Variants in FAM118A observed in about 807,000 individuals in gnomAD.
FAM118A encodes SIR2 antiphage like 2.
A neutral mutation model predicts 38.2 loss-of-function variants in FAM118A; 25 were observed. That is an observed-to-expected ratio of 0.65 (90% confidence interval 0.48 to 0.91). The LOEUF is 0.91. Ranked by LOEUF, FAM118A falls within the 40% of genes least tolerant of loss-of-function variation. The pLI, the probability that FAM118A is intolerant of heterozygous loss-of-function variation, is 0.00. For synonymous variants in FAM118A, 178 were observed against 184.1 expected (o/e 0.97, Z 0.27); for missense variants, 425 against 463.3 (o/e 0.92, Z 0.76).
At chr22:45,328,943 A>T (rs1445676123) in intron 4 of FAM118A, 2 of 157,450 alleles carry the variant, frequency 1.3e-5, no homozygotes, top group Non-Finnish European at 2.8e-5. Context: ...GAGTGGGAGC[A>T]GGCATGCCAC....
intron 1 of FAM118A, chr22:45,318,912 A>G (rs1303159589): frequency 6.6e-6 from 1 of 152,206 alleles, no homozygotes; most frequent in Non-Finnish European, 1.5e-5. Flanking sequence ...GGTTTTGAGC[A>G]CTTAAGCGAG....
intron 1 of FAM118A, among the ~76,000 whole-genome samples, chr22:45,310,595 C>T (rs1270026968): frequency 6.6e-6 from 1 of 152,146 alleles, no homozygotes; most frequent in Non-Finnish European, 1.5e-5. Context: ...GCTCCCTCTC[C>T]GACCTGATCT....
chr22:45,339,347 C>T lies in FAM118A; in HGVS notation c.1055-1039C>T, dbSNP rs1162746870. 5.3e-5 allele frequency among the ~76,000 whole-genome samples: 8 copies of T among 151,546 alleles called. No homozygotes were observed. The East Asian group carries it at 7.8e-4, about 15-fold the overall frequency. Reference sequence around the variant, plus strand: ...CCAGGAGGCGGAGGTTGCAGTGAGCCGAGATCACACCATTGTACTCCAGCC... The same window carrying T: ...CCAGGAGGCGGAGGTTGCAGTGAGCTGAGATCACACCATTGTACTCCAGCC... On this transcript the variant is annotated intron_variant, in intron 8 of 8. Transcript: ENST00000441876.
At position 45,328,065 on chromosome 22, in the gene FAM118A, T is replaced by G; in HGVS notation, c.522+2T>G. On this transcript the variant is annotated splice_donor_variant, in intron 4 of 8. Transcript: ENST00000441876. LOFTEE classifies it high-confidence loss of function. ...CTGGACTTGAAGGACAAGACCAAGG[T>G]ATGGGCTGGGGGTGCGGGAGGCCTT... 3 of 774,718 alleles carry G rather than the reference T, an allele frequency of 3.9e-6. No homozygotes were observed. The highest frequency in any genetic ancestry group is 1.7e-5 in the South Asian group (1 of 60,408). The allele number at this position is 774,718 out of a possible 1,614,324, so 48.0% of individuals were successfully genotyped here. A position where few individuals can be genotyped will look rare whatever the true frequency, so the allele number is the denominator to read the frequency against.
rs368619809 is a variant in FAM118A at position 45,322,483 on chromosome 22, C to T, written c.47+57C>T. The T allele has an allele frequency of 1.1e-4, 161 of 1,440,616 alleles. No individual in the cohort carries two copies. The African/African-American group carries it at 1.8e-3, about 16-fold the overall frequency. The allele number at this position is 1,440,616 out of a possible 1,614,324, so 89.2% of individuals were successfully genotyped here. A position where few individuals can be genotyped will look rare whatever the true frequency, so the allele number is the denominator to read the frequency against. ...TTCATTGACTTCATCTAGCGTCTCT[C>T]GTGAGTGTGCGCACTCGTTCTTTAG... is the stretch of plus-strand genomic sequence containing the variant. On this transcript the variant is annotated intron_variant, in intron 2 of 8. Transcript: ENST00000441876.
chr22:45,329,223 T>C (rs1277005638), intron 4 of FAM118A: 1 of 152,236 alleles, frequency 6.6e-6, no homozygotes, highest in Admixed American at 6.5e-5. Flanking sequence ...TATGTCCTGT[T>C]TTCAAGATGA....
At chr22:45,330,405 C>A in intron 4 of FAM118A, 198 bp from the exon 5 acceptor site, 1 of 409,448 alleles carries the variant, frequency 2.4e-6, no homozygotes, top group Non-Finnish European at 4.1e-6. Context: ...TGTGACTGTA[C>A]CGTCGTAGGA....
At chr22:45,334,941 C>T (rs1205821768) in intron 6 of FAM118A, 1 of 179,818 alleles carries the variant, frequency 5.6e-6, no homozygotes, top group East Asian at 1.5e-4. Flanking sequence ...CCCACTGAGC[C>T]TCCCTTTCCA....
chr22:45,335,043 G>C, intron 6 of FAM118A: 2 of 406,328 alleles, frequency 4.9e-6, no homozygotes, highest in South Asian at 1.1e-4. Flanking sequence ...AAGGACATTT[G>C]TACTCGAATT....
intron 8 of FAM118A, among the ~76,000 whole-genome samples, chr22:45,339,269 G>A (rs571324574): frequency 5.7e-4 from 87 of 152,192 alleles, no homozygotes; most frequent in African/African-American, 1.7e-3. Context: ...GGTGGCGGGC[G>A]CCTACTGTAG....
intron 8 of FAM118A, among the ~76,000 whole-genome samples, chr22:45,336,667 G>A (rs1031160855): frequency 1.3e-5 from 2 of 152,204 alleles, no homozygotes; most frequent in African/African-American, 4.8e-5. Context: ...CTAAGAAGGT[G>A]CAGCGGGCAG....
intron 8 of FAM118A, among the ~76,000 whole-genome samples, chr22:45,336,671 C>T (rs116648744): frequency 3.9e-5 from 6 of 152,150 alleles, no homozygotes; most frequent in Non-Finnish European, 7.4e-5. Context: ...GAAGGTGCAG[C>T]GGGCAGAAGG....
At chr22:45,323,593 A>C (rs1375968835) in intron 3 of FAM118A, among the ~76,000 whole-genome samples, 166 bp downstream of exon 3, 1 of 152,150 alleles carries the variant, frequency 6.6e-6, no homozygotes, top group Non-Finnish European at 1.5e-5. Context: ...TCGTCTTTTA[A>C]AATTGAGGGG....
intron 1 of FAM118A, among the ~76,000 whole-genome samples, chr22:45,315,900 GC>G (rs1282740066): frequency 2.6e-5 from 4 of 152,160 alleles, no homozygotes; most frequent in Non-Finnish European, 1.5e-5. Flanking sequence ...TTAATTTTTT[GC>G]CCATTTGTGC....
intron 4 of FAM118A, chr22:45,329,203 C>T (rs1270858987): frequency 6.6e-6 from 1 of 152,224 alleles, no homozygotes; most frequent in Non-Finnish European, 1.5e-5. Flanking sequence ...CTACAGGGTC[C>T]TCATACTTTT....
In FAM118A at chr22:45,322,522, G is replaced by A. The variant is rs927766705; in HGVS notation, c.47+96G>A. 32 of 1,088,132 alleles carry A rather than the reference G, an allele frequency of 2.9e-5. No individual in the cohort carries two copies. In the East Asian group the frequency reaches 4.3e-4, roughly 15 times the overall value. 67.4% of individuals were successfully genotyped at this position (1,088,132 alleles called of 1,614,324 possible). On this transcript the variant is annotated intron_variant, in intron 2 of 8. Coordinates refer to ENST00000441876, the MANE Select transcript of FAM118A (RefSeq NM_017911.4). ...CTCGTTCTTTAGTACCTGCAAGGGC[G>A]AAAGTGAAATGGAAACACTGGGGCA... is the stretch of plus-strand genomic sequence containing the variant.
At chr22:45,327,394 A>G (rs1440159830) in intron 3 of FAM118A, among the ~76,000 whole-genome samples, 5 of 151,642 alleles carry the variant, frequency 3.3e-5, no homozygotes, top group South Asian at 2.1e-4. Context: ...GGCCCAGGTC[A>G]TCTGCTTCTG....
intron 1 of FAM118A, chr22:45,321,517 G>C (rs2084877561): frequency 6.6e-6 from 1 of 152,064 alleles, no homozygotes; most frequent in South Asian, 2.1e-4. Flanking sequence ...CCCAGGCTCA[G>C]GCGACCCTCC....
chr22:45,330,380 C>T (rs2085618692), intron 4 of FAM118A: 1 of 312,334 alleles, frequency 3.2e-6, no homozygotes, highest in Non-Finnish European at 5.7e-6. Flanking sequence ...CCGATCCTCT[C>T]TCAGGTTTTA....
Sources: gnomAD v4.1 joint callset for allele counts (sites outside exome capture counted in the v4.1 genomes callset) on GRCh38, gnomAD v4.1.1 for gene constraint, MANE v1.5 for transcripts, NCBI Gene and HGNC (gene_info 2026-07-23, HGNC 2026-07-21) for gene names.